The following NFE2L3 variants were observed in gnomAD, a reference collection of about 807,000 sequenced individuals.
The protein encoded by NFE2L3 is NFE2 like bZIP transcription factor 3.
NFE2L3 carries 18 observed loss-of-function variants against 23.5 expected under a neutral mutation model. The ratio of observed to expected loss-of-function variants is 0.77; its 90% CI spans 0.53 to 1.13. NFE2L3 has a LOEUF of 1.13. Ranked by LOEUF, NFE2L3 falls within the 50% of genes most tolerant of loss-of-function variation. The pLI is 0.00. For synonymous variants in NFE2L3, 424 were observed against 354.5 expected (o/e 1.20, Z -2.20); for missense variants, 1,152 against 877.2 (o/e 1.31, Z -3.96).
chr7:26,177,713 C>T (rs575229503), intron 1 of NFE2L3, among the ~76,000 whole-genome samples: 4 of 152,306 alleles, frequency 2.6e-5, no homozygotes, highest in Admixed American at 6.5e-5. Context: ...ATTTTAAATT[C>T]AGGGGCTTTA....
At chr7:26,159,282 C>T (rs1384053168) in intron 1 of NFE2L3, among the ~76,000 whole-genome samples, 1 of 152,182 alleles carries the variant, frequency 6.6e-6, no homozygotes, top group Non-Finnish European at 1.5e-5. Context: ...CTTACCTTTG[C>T]CCGGAATGCC....
chr7:26,184,506 T>C (rs1782428879), intron 3 of NFE2L3, 27 bp from the exon 4 acceptor site: 1 of 1,581,884 alleles, frequency 6.3e-7, no homozygotes, highest in Non-Finnish European at 8.6e-7. Context: ...CTATTCATGT[T>C]TGAAGTGTTT....
At chr7:26,159,362 A>G (rs1458502526) in intron 1 of NFE2L3, among the ~76,000 whole-genome samples, 1 of 152,200 alleles carries the variant, frequency 6.6e-6, no homozygotes, top group African/African-American at 2.4e-5. Context: ...CCTCATCCAT[A>G]AAACATTTCC....
intron 1 of NFE2L3, among the ~76,000 whole-genome samples, chr7:26,172,195 G>T (rs568837142): frequency 6.6e-6 from 1 of 152,380 alleles, no homozygotes; most frequent in Admixed American, 6.5e-5. Context: ...TTTAATGGGA[G>T]AAATTCTGGG....
At chr7:26,176,582 G>GAT (rs1395310323) in intron 1 of NFE2L3, among the ~76,000 whole-genome samples, 1 of 105,756 alleles carries the variant, frequency 9.5e-6, no homozygotes, top group African/African-American at 3.7e-5. Context: ...CTTCCCAGAC[G>GAT]GGGTGGCCAG....
intron 2 of NFE2L3, among the ~76,000 whole-genome samples, chr7:26,183,164 A>G (rs565859812): frequency 1.3e-5 from 2 of 152,336 alleles, no homozygotes; most frequent in South Asian, 2.1e-4. Context: ...CAATTAGCCA[A>G]AAATTACATG....
intron 2 of NFE2L3, among the ~76,000 whole-genome samples, 173 bp from the exon 3 acceptor site, chr7:26,183,528 A>G (rs1244226590): frequency 7.0e-6 from 1 of 143,874 alleles, no homozygotes; most frequent in Non-Finnish European, 1.6e-5. Flanking sequence ...ATTCTGGGCC[A>G]GAGTGAGATC....
rs1782435697 is a variant in NFE2L3, at chr7:26,184,743, A to T, written c.1045A>T (p.Thr349Ser). ...ACCATTTCTGCAGTTAAATTCTCAT[A>T]CCACCAATCCTGAGCAAACCCTTCC... ...QEPFLQLNSHTTNPEQTLPGT... is the reference protein window; with the variant it reads ...QEPFLQLNSHSTNPEQTLPGT... The change falls in exon 4 of 4, where the codon ACC (threonine) becomes TCC (serine). Residue 349 changes from threonine to serine, a missense_variant. Thr to Ser is a moderately conservative substitution (Grantham distance 58). Transcript: ENST00000056233. 8 of 1,613,940 alleles carry T rather than the reference A, an allele frequency of 5.0e-6. No individual in the cohort carries two copies. The East Asian group carries it at 1.8e-4, about 36-fold the overall frequency.
intron 1 of NFE2L3, among the ~76,000 whole-genome samples, chr7:26,172,810 C>A (rs1784346008): frequency 6.6e-6 from 1 of 152,094 alleles, no homozygotes; most frequent in Non-Finnish European, 1.5e-5. Context: ...TAGAGTTGAC[C>A]ATTTGATTTA....
intron 1 of NFE2L3, among the ~76,000 whole-genome samples, chr7:26,166,290 G>T (rs899485385): frequency 5.9e-5 from 9 of 152,102 alleles, no homozygotes; most frequent in African/African-American, 2.2e-4. Flanking sequence ...CCAAGATGAG[G>T]GGCTGTCATC....
At chr7:26,155,616 T>TGG in intron 1 of NFE2L3, among the ~76,000 whole-genome samples, 1 of 152,136 alleles carries the variant, frequency 6.6e-6, no homozygotes, top group East Asian at 1.9e-4. Context: ...CTAGGACGTC[T>TGG]CAGTGCATCT....
chr7:26,183,637 A>C, intron 2 of NFE2L3, 64 bp from the exon 3 acceptor site: 1 of 960,654 alleles, frequency 1.0e-6, no homozygotes, highest in Non-Finnish European at 1.7e-6. Context: ...TTAAAGATAA[A>C]GCCTAAAGCC....
In NFE2L3 at chr7:26,185,908, G is replaced by T. The variant is rs1330248905; in HGVS notation, c.*125G>T. 2.5e-6 allele frequency: 2 copies of T among 805,202 alleles called. No homozygotes were observed. The highest frequency in any genetic ancestry group is 3.8e-6 in the Non-Finnish European group (2 of 527,150). The allele number at this position is 805,202 out of a possible 1,614,324, so 49.9% of individuals were successfully genotyped here. A position where few individuals can be genotyped will look rare whatever the true frequency, so the allele number is the denominator to read the frequency against. On this transcript the variant is annotated 3_prime_UTR_variant, in exon 4 of 4. Transcript: ENST00000056233. ...TAAGTACTGCTACTTGAATAACTCA[G>T]TTAACGCTGTTTTGAAGCTTACATG...
At chr7:26,169,497 G>C (rs184827252) in intron 1 of NFE2L3, among the ~76,000 whole-genome samples, 1 of 152,164 alleles carries the variant, frequency 6.6e-6, no homozygotes, top group African/African-American at 2.4e-5. Context: ...TAGGGGAGGC[G>C]ACTCTTGGCT....
chr7:26,167,926 T>A (rs1562672013), intron 1 of NFE2L3, among the ~76,000 whole-genome samples: 1 of 152,204 alleles, frequency 6.6e-6, no homozygotes, highest in South Asian at 2.1e-4. Flanking sequence ...TCTGATTTTT[T>A]AATTTTTTAA....
intron 1 of NFE2L3, among the ~76,000 whole-genome samples, chr7:26,164,243 C>T (rs575275270): frequency 7.2e-5 from 11 of 152,318 alleles, no homozygotes; most frequent in African/African-American, 2.6e-4. Context: ...CTGACTTCCA[C>T]AATGGTTGAA....
Position 26,184,551 on chromosome 7 carries a change from A to G in NFE2L3, c.853A>G (p.Ile285Val). The change falls in exon 4 of 4, where the codon ATT becomes GTT. Residue 285 changes from isoleucine (I) to valine (V), a missense_variant. Ile to Val is a conservative substitution (Grantham distance 29). Coordinates refer to ENST00000056233, the MANE Select transcript of NFE2L3 (RefSeq NM_004289.7). Reference protein sequence around the residue: ...NSLEGISLGDIPLPGSISDGM... With the variant: ...NSLEGISLGDVPLPGSISDGM... ...TTTTCAGGGCATCTCATTGGGAGAT[A>G]TTCCTCTTCCAGGCAGTATCAGTGA... is the stretch of plus-strand genomic sequence containing the variant. 6.2e-7 allele frequency: 1 copy of G among 1,611,722 alleles called. No individual in the cohort carries two copies.
chr7:26,162,978 C>T (rs1339613972), intron 1 of NFE2L3, among the ~76,000 whole-genome samples: 1 of 152,122 alleles, frequency 6.6e-6, no homozygotes, highest in African/African-American at 2.4e-5. Flanking sequence ...TCCCAAAGTG[C>T]TGGGATTATA....
At chr7:26,162,990 G>A (rs1016869512) in intron 1 of NFE2L3, among the ~76,000 whole-genome samples, 23 of 152,120 alleles carry the variant, frequency 1.5e-4, no homozygotes, top group African/African-American at 5.3e-4. Flanking sequence ...GGGATTATAG[G>A]TCCATATCAC....
Sources: allele counts gnomAD v4.1 joint callset (sites outside exome capture counted in the v4.1 genomes callset), GRCh38; gene constraint gnomAD v4.1.1; transcripts MANE v1.5; gene names NCBI Gene and HGNC (gene_info 2026-07-23, HGNC 2026-07-21).